Variants in TRANK1 observed in about 807,000 individuals in gnomAD.
The protein encoded by TRANK1 is TPR and ankyrin repeat-containing protein 1.
TRANK1 carries 198 observed loss-of-function variants against 266.0 expected under a neutral mutation model. The observed-to-expected ratio is 0.74, with a 90% CI of 0.66 to 0.84. The LOEUF (loss-of-function observed/expected upper bound fraction) is 0.84, where lower values mean the gene tolerates loss of function less well. Ranked by LOEUF, TRANK1 falls within the 40% of genes least tolerant of loss-of-function variation. TRANK1 has a pLI of 0.00. For missense variants in TRANK1, 3,326 were observed against 3,634.6 expected (o/e 0.92, Z 2.18); for synonymous variants, 1,396 against 1,384.1 (o/e 1.01, Z -0.19).
intron 11 of TRANK1, among the ~76,000 whole-genome samples, chr3:36,860,218 G>A (rs1347419195): frequency 1.3e-5 from 2 of 152,064 alleles, no homozygotes; most frequent in Admixed American, 6.5e-5. Flanking sequence ...ATAAAAGGGG[G>A]CCTATTTATT....
rs763815407 is a variant in TRANK1 at position 36,842,725 on chromosome 3, A to T, written c.5192-15T>A. 9.9e-6 allele frequency: 16 copies of T among 1,610,812 alleles called. No homozygotes were observed. Among genetic ancestry groups the T allele is most frequent in the Non-Finnish European group, 1.3e-5 (15 of 1,177,906 alleles). On this transcript the variant is annotated splice_polypyrimidine_tract_variant and intron_variant, in intron 17 of 23. Transcript: ENST00000645898. Reference sequence around the variant, plus strand: ...ATCATCAAAGTCTAAAATGAGAAAGAAAAGTGTGTTTGCTTCTCTGGGCTT... The same window carrying T: ...ATCATCAAAGTCTAAAATGAGAAAGTAAAGTGTGTTTGCTTCTCTGGGCTT...
intron 10 of TRANK1, among the ~76,000 whole-genome samples, 182 bp downstream of exon 10, chr3:36,864,137 G>A (rs2079181061): frequency 6.6e-6 from 1 of 152,126 alleles, no homozygotes; most frequent in Non-Finnish European, 1.5e-5. Flanking sequence ...TGGGATTTAG[G>A]GGTTGAAGTT....
chr3:36,857,485 T>A lies in TRANK1; in HGVS notation c.2237A>T (p.Asp746Val), dbSNP rs1205686321. 1.9e-6 allele frequency: 3 copies of A among 1,613,926 alleles called. No homozygotes were observed. Among genetic ancestry groups the A allele is most frequent in the Non-Finnish European group, 2.5e-6 (3 of 1,179,872 alleles). ...AAGACAGTCCTCTGGGAAAGACGGATCCACTTCAACCTGCTGAATCAAAAC... is the reference window on the plus strand; with the variant it reads ...AAGACAGTCCTCTGGGAAAGACGGAACCACTTCAACCTGCTGAATCAAAAC... ...ITVLIQQVEVDPSFPEDCLQS... is the reference protein window; with the variant it reads ...ITVLIQQVEVVPSFPEDCLQS... The change falls in exon 13 of 24, where the codon GAT becomes GTT. Residue 746 changes from aspartate (D) to valine (V), a missense_variant. By Grantham distance (152) the Asp-to-Val change is radical (BLOSUM62 -3). Coordinates refer to ENST00000645898, the MANE Select transcript of TRANK1 (RefSeq NM_001329998.2). This position sits in a 1 kb window ranked among gnomAD's most constrained non-coding sequence, Gnocchi z 4.3.
chr3:36,894,471 T>G (rs1477474711), intron 5 of TRANK1, among the ~76,000 whole-genome samples: 1 of 152,218 alleles, frequency 6.6e-6, no homozygotes, highest in Non-Finnish European at 1.5e-5. Flanking sequence ...CTCAAATGTC[T>G]TTTAATGGGA....
rs1362700629 is a variant in TRANK1, at chr3:36,856,518, T to A, written c.3204A>T (p.Pro1068=). 3 of 1,613,858 alleles carry A rather than the reference T, an allele frequency of 1.9e-6. No homozygotes were observed. The highest frequency in any genetic ancestry group is 2.5e-6 in the Non-Finnish European group (3 of 1,179,888). The part of the protein sequence containing the change: ...EYAVIDLNPR[P]LEPIILIGRS... ...GCCCAATAAGGATGATGGGCTCCAGTGGCCTGGGATTGAGGTCGATCACCG... is the reference window on the plus strand; with the variant it reads ...GCCCAATAAGGATGATGGGCTCCAGAGGCCTGGGATTGAGGTCGATCACCG... The change falls in exon 13 of 24, where the codon CCA becomes CCT. Residue 1068 remains proline (P), a synonymous_variant. Coordinates refer to ENST00000645898, the MANE Select transcript of TRANK1 (RefSeq NM_001329998.2).
Position 36,879,599 on chromosome 3 carries a change from AATATATAT to A in TRANK1, c.908-5311_908-5304del, listed in dbSNP as rs1422182988. On this transcript the variant is annotated intron_variant, in intron 8 of 23. Transcript: ENST00000645898. ...ATATATATAAATATACAAATATATAAATATATATAAATATACAAATATATATAAATATA... is the reference window on the plus strand; with the variant it reads ...ATATATATAAATATACAAATATATAAAAATATACAAATATATATAAATATA... 3.6e-4 allele frequency among the ~76,000 whole-genome samples: 23 copies of A among 64,760 alleles called. 5 individuals carry two copies. In the South Asian group the frequency reaches 8.7e-3, roughly 25 times the overall value. The allele number at this position is 64,760 out of a possible 152,430, so 42.5% of individuals were successfully genotyped here.
chr3:36,835,044 G>T (rs1406458439), intron 20 of TRANK1, 137 bp from the exon 21 acceptor site: 6 of 943,658 alleles, frequency 6.4e-6, no homozygotes, highest in Non-Finnish European at 8.9e-6. Flanking sequence ...CCTAGGCCGG[G>T]CGTGGTGGCT....
chr3:36,922,961 G>C (rs2080236498), intron 1 of TRANK1, among the ~76,000 whole-genome samples: 1 of 152,086 alleles, frequency 6.6e-6, no homozygotes, highest in Non-Finnish European at 1.5e-5. Flanking sequence ...TAAACTATAA[G>C]TCTGTCTTTC....
At chr3:36,871,399 A>G (rs1467625378) in intron 9 of TRANK1, among the ~76,000 whole-genome samples, 2 of 152,160 alleles carry the variant, frequency 1.3e-5, no homozygotes, top group Non-Finnish European at 2.9e-5. Flanking sequence ...TTAAAAATAT[A>G]TATATCAAAC....
At chr3:36,852,757 G>C (rs552628978) in intron 13 of TRANK1, among the ~76,000 whole-genome samples, 1 of 137,046 alleles carries the variant, frequency 7.3e-6, no homozygotes, top group African/African-American at 2.8e-5. Context: ...GGGTGACAGA[G>C]CGAGACTCCA....
Position 36,856,398 on chromosome 3 carries a change from C to A in TRANK1, c.3324G>T (p.Leu1108Phe). ...WEKAEQAGSPLLAKQVWLKRR... is the reference protein window; with the variant it reads ...WEKAEQAGSPFLAKQVWLKRR... ...TCTTCAGCCAGACCTGTTTGGCCAG[C>A]AATGGGCTTCCTGCCTGCTCAGCTT... Residue 1108 changes from leucine to phenylalanine, a missense_variant, in exon 13 of 24, where the codon TTG (leucine) becomes TTT (phenylalanine). Coordinates refer to ENST00000645898, the MANE Select transcript of TRANK1 (RefSeq NM_001329998.2). 1.2e-6 allele frequency: 2 copies of A among 1,606,292 alleles called. No individual in the cohort carries two copies. Among genetic ancestry groups the A allele is most frequent in the South Asian group, 1.1e-5 (1 of 90,352 alleles).
intron 4 of TRANK1, among the ~76,000 whole-genome samples, chr3:36,898,507 G>A (rs150331626): frequency 6.6e-6 from 1 of 151,880 alleles, no homozygotes; most frequent in South Asian, 2.1e-4. Flanking sequence ...CACATCAGGC[G>A]AGTAGTATAA....
At chr3:36,847,485 G>T in intron 15 of TRANK1, 139 bp from the exon 16 acceptor site, 1 of 869,430 alleles carries the variant, frequency 1.2e-6, no homozygotes, top group Non-Finnish European at 1.7e-6. Flanking sequence ...TCCATCCTGT[G>T]ATCTTAGAAT....
At chr3:36,840,368 G>A (rs1257995526) in intron 18 of TRANK1, among the ~76,000 whole-genome samples, 1 of 152,148 alleles carries the variant, frequency 6.6e-6, no homozygotes, top group South Asian at 2.1e-4. Context: ...TACATACTTA[G>A]GAAAATACTT....
At chr3:36,866,052 A>AAAGAAAG (rs2079215967) in intron 9 of TRANK1, among the ~76,000 whole-genome samples, 1 of 127,758 alleles carries the variant, frequency 7.8e-6, no homozygotes, top group Admixed American at 8.1e-5. Context: ...GACAGAAAGA[A>AAAGAAAG]AAAGAAAGAA....
At chr3:36,943,704 C>G (rs1345734637) in intron 1 of TRANK1, among the ~76,000 whole-genome samples, 7 of 151,456 alleles carry the variant, frequency 4.6e-5, no homozygotes, top group Non-Finnish European at 7.4e-5. Context: ...CAAAAAGGAT[C>G]CTGGAACCCA....
At chr3:36,847,158 T>G in intron 16 of TRANK1, 42 bp downstream of exon 16, 1 of 1,577,552 alleles carries the variant, frequency 6.3e-7, no homozygotes, top group Non-Finnish European at 8.7e-7. Flanking sequence ...TTTTCACTAC[T>G]TCCATGTCAA....
intron 17 of TRANK1, 126 bp from the exon 18 acceptor site, chr3:36,842,836 T>G: frequency 8.8e-6 from 7 of 792,330 alleles, no homozygotes; most frequent in Non-Finnish European, 1.1e-5. Flanking sequence ...TAACTCCCGG[T>G]ACCTCAGAAT....
intron 20 of TRANK1, 85 bp downstream of exon 20, chr3:36,838,287 C>T: frequency 6.5e-7 from 1 of 1,543,898 alleles, no homozygotes; most frequent in Non-Finnish European, 8.7e-7. Context: ...CCTCTTCCTG[C>T]TATGAGTAGA....
Sources: allele counts gnomAD v4.1 joint callset (sites outside exome capture counted in the v4.1 genomes callset), GRCh38; gene constraint gnomAD v4.1.1; non-coding constraint Gnocchi (gnomAD v3.1); transcripts MANE v1.5; gene names NCBI Gene and HGNC (gene_info 2026-07-23, HGNC 2026-07-21).